GRIP1: variants seen among roughly 807,000 people sequenced by gnomAD.
The protein encoded by GRIP1 is glutamate receptor interacting protein 1.
Under a neutral mutation model 129.9 loss-of-function variants are expected in GRIP1, and 45 were observed. That is an observed-to-expected ratio of 0.35 (90% CI 0.27 to 0.44). GRIP1 has a LOEUF of 0.44. GRIP1 is among the 20% of genes least tolerant of loss of function. The pLI, the probability that GRIP1 is intolerant of heterozygous loss-of-function variation, is 1.00. For synonymous variants in GRIP1, 530 were observed against 520.8 expected, an observed-to-expected ratio of 1.02 and a Z score of -0.24; for missense variants, 1,196 against 1,396.8, an observed-to-expected ratio of 0.86 and a Z score of 2.29.
Position 66,857,444 on chromosome 12 carries a change from G to A in GRIP1, c.58+211606C>T, listed in dbSNP as rs974510752. Among the ~76,000 whole-genome samples the A allele has an allele frequency of 6.6e-5, 10 of 151,834 alleles. No homozygotes were observed. The South Asian group carries it at 1.0e-3, about 16-fold the overall frequency. On this transcript the variant is annotated intron_variant, in intron 1 of 1. Transcript: ENST00000643019. ...TACTGTGAGCCAGGTGTTTTGTTAG[G>A]CCAGTGGTAGCAAGGAAGTTGAAAC...
intron 7 of GRIP1, among the ~76,000 whole-genome samples, chr12:66,507,241 A>C (rs1174364501): frequency 6.6e-6 from 1 of 152,162 alleles, no homozygotes; most frequent in Non-Finnish European, 1.5e-5. Flanking sequence ...GATGGAGACC[A>C]TCCTGGCTAA....
chr12:66,945,872 T>C (rs1006662489), intron 1 of GRIP1, among the ~76,000 whole-genome samples: 2 of 152,228 alleles, frequency 1.3e-5, no homozygotes, highest in African/African-American at 2.4e-5. Flanking sequence ...TTAGCAAACG[T>C]TGGAGTCTTA....
intron 1 of GRIP1, among the ~76,000 whole-genome samples, chr12:66,782,957 G>A (rs777755545): frequency 6.6e-6 from 1 of 152,154 alleles, no homozygotes; most frequent in Non-Finnish European, 1.5e-5. Context: ...TCTGGAGTCT[G>A]AGATTTTAAC....
At position 66,442,625 on chromosome 12, in the gene GRIP1, G is replaced by C. The variant is rs548080678; in HGVS notation, c.1687+1959C>G. Among the ~76,000 whole-genome samples the C allele has an allele frequency of 2.0e-5, 3 of 152,262 alleles. No individual in the cohort carries two copies. In the South Asian group the frequency reaches 6.2e-4, roughly 32 times the overall value. The stretch of plus-strand genomic sequence containing the variant: ...CTGCTCACTGCAGCCTTGACTTCCA[G>C]GGCTCAAGTGATCCTTTCAGCTTAG... On this transcript the variant is annotated intron_variant, in intron 13 of 24. Coordinates refer to ENST00000359742, the MANE Select transcript of GRIP1 (RefSeq NM_001366722.1).
intron 1 of GRIP1, among the ~76,000 whole-genome samples, chr12:66,782,205 T>C (rs1222666044): frequency 6.6e-6 from 1 of 152,166 alleles, no homozygotes; most frequent in Non-Finnish European, 1.5e-5. Flanking sequence ...ATGTTACACT[T>C]CAATAAAAAT....
intron 1 of GRIP1, among the ~76,000 whole-genome samples, chr12:66,619,466 T>C (rs2065178179): frequency 6.6e-6 from 1 of 152,136 alleles, no homozygotes; most frequent in African/African-American, 2.4e-5. Context: ...GACTATTTTC[T>C]TTCCTCTTAG....
intron 1 of GRIP1, among the ~76,000 whole-genome samples, chr12:66,955,113 T>C (rs923486366): frequency 6.6e-6 from 1 of 152,176 alleles, no homozygotes; most frequent in African/African-American, 2.4e-5. Flanking sequence ...TTGGTTTGCA[T>C]TACACACATT....
intron 23 of GRIP1, among the ~76,000 whole-genome samples, chr12:66,362,142 CTTTTT>C (rs10589880): frequency 2.2e-5 from 2 of 91,666 alleles, no homozygotes; most frequent in East Asian, 3.4e-4. Flanking sequence ...CCAATTTAAT[CTTTTT>C]TTTTTTTTTT....
At chr12:66,384,448 T>A (rs1246521137) in intron 19 of GRIP1, among the ~76,000 whole-genome samples, 1 of 152,224 alleles carries the variant, frequency 6.6e-6, no homozygotes, top group Non-Finnish European at 1.5e-5. Context: ...ATTCCGGGTA[T>A]GTGTACTAAA....
At chr12:66,996,221 A>G (rs2042464954) in intron 1 of GRIP1, among the ~76,000 whole-genome samples, 1 of 152,196 alleles carries the variant, frequency 6.6e-6, no homozygotes. Flanking sequence ...ATGTTCTAAA[A>G]TTGATGTGAT....
At chr12:66,948,095 A>G (rs2041700085) in intron 1 of GRIP1, among the ~76,000 whole-genome samples, 2 of 152,182 alleles carry the variant, frequency 1.3e-5, no homozygotes, top group South Asian at 4.1e-4. Flanking sequence ...AAAGCTGAAA[A>G]CCTAAAACCG....
chr12:66,777,454 C>T (rs981919213), intron 1 of GRIP1, among the ~76,000 whole-genome samples: 1 of 152,110 alleles, frequency 6.6e-6, no homozygotes, highest in East Asian at 1.9e-4. Context: ...GAAACTGCCC[C>T]CCAACACAGA....
chr12:66,733,116 G>A (rs904127706), intron 1 of GRIP1, among the ~76,000 whole-genome samples: 4 of 152,126 alleles, frequency 2.6e-5, no homozygotes, highest in African/African-American at 9.7e-5. Context: ...AGCCTCCTGA[G>A]AAGCATCCTT....
At chr12:66,924,089 C>G (rs1219843688) in intron 1 of GRIP1, among the ~76,000 whole-genome samples, 1 of 152,220 alleles carries the variant, frequency 6.6e-6, no homozygotes, top group African/African-American at 2.4e-5. Flanking sequence ...AGGTGATTCA[C>G]CCCCCTCGGC....
At position 66,363,183 on chromosome 12, in the gene GRIP1, A is replaced by C. The variant is rs1204117906; in HGVS notation, c.3012+8511T>G. Among the ~76,000 whole-genome samples, 23 of 81,744 alleles carry C rather than the reference A, an allele frequency of 2.8e-4. 4 individuals carry two copies. Among genetic ancestry groups the C allele is most frequent in the African/African-American group, 9.3e-4 (21 of 22,476 alleles). 53.6% of individuals were successfully genotyped at this position (81,744 alleles called of 152,430 possible). ...TATATATACACACACATATATGTATATATGTGTGTGTGTGTCCATATATAT... is the reference window on the plus strand; with the variant it reads ...TATATATACACACACATATATGTATCTATGTGTGTGTGTGTCCATATATAT... On this transcript the variant is annotated intron_variant, in intron 23 of 24. Transcript: ENST00000359742.
At chr12:66,508,126 G>C (rs2060593807) in intron 7 of GRIP1, among the ~76,000 whole-genome samples, 1 of 152,174 alleles carries the variant, frequency 6.6e-6, no homozygotes, top group South Asian at 2.1e-4. Flanking sequence ...TGTTGTGATT[G>C]AAAGATCCAC....
At chr12:66,818,084 G>A (rs2039255754) in intron 1 of GRIP1, among the ~76,000 whole-genome samples, 1 of 152,166 alleles carries the variant, frequency 6.6e-6, no homozygotes, top group South Asian at 2.1e-4. Flanking sequence ...CTGAAACTAT[G>A]TCAAGGAACT....
intron 2 of GRIP1, among the ~76,000 whole-genome samples, chr12:66,552,350 G>C (rs2062169976): frequency 6.6e-6 from 1 of 152,146 alleles, no homozygotes; most frequent in African/African-American, 2.4e-5. Context: ...TGACTGAATA[G>C]AGAGATTAAA....
intron 19 of GRIP1, among the ~76,000 whole-genome samples, chr12:66,385,478 G>C (rs1037860916): frequency 6.6e-6 from 1 of 152,138 alleles, no homozygotes; most frequent in Non-Finnish European, 1.5e-5. Flanking sequence ...AGAGGTTGCA[G>C]TGAGCCAAGA....
Sources: allele counts gnomAD v4.1 joint callset (sites outside exome capture counted in the v4.1 genomes callset), GRCh38; gene constraint gnomAD v4.1.1; transcripts MANE v1.5; gene names NCBI Gene and HGNC (gene_info 2026-07-23, HGNC 2026-07-21).